DIP2C: variants seen among roughly 807,000 people sequenced by gnomAD.
DIP2C encodes the protein DIP2 acetate--CoA ligase C (putative).
Under a neutral mutation model 192.4 loss-of-function variants are expected in DIP2C, and 33 were observed. The ratio of observed to expected loss-of-function variants is 0.17; its 90% CI spans 0.13 to 0.23. The LOEUF is 0.23. DIP2C is among the 10% of genes least tolerant of loss of function. The pLI is 1.00. For synonymous variants in DIP2C, 979 were observed against 864.1 expected, an observed-to-expected ratio of 1.13 and a Z score of -2.33; for missense variants, 1,537 against 2,110.1, an observed-to-expected ratio of 0.73 and a Z score of 5.32.
At chr10:392,916 T>A (rs981926120) in intron 10 of DIP2C, among the ~76,000 whole-genome samples, 13 of 150,924 alleles carry the variant, frequency 8.6e-5, no homozygotes, top group African/African-American at 2.7e-4. Flanking sequence ...GCACACACAC[T>A]CAACAAAGAA....
chr10:647,299 C>T (rs55827314), intron 1 of DIP2C, among the ~76,000 whole-genome samples: 4,271 of 149,876 alleles, frequency 0.028, 53 homozygotes, highest in Admixed American at 0.042. Flanking sequence ...ACTGAGTCCA[C>T]GTCCACATTG....
intron 4 of DIP2C, among the ~76,000 whole-genome samples, chr10:431,110 T>C (rs1441116209): frequency 6.6e-6 from 1 of 152,266 alleles, no homozygotes; most frequent in Non-Finnish European, 1.5e-5. Flanking sequence ...GGATTATCAC[T>C]GATTTATAGT....
Position 363,161 on chromosome 10 carries a change from C to A in DIP2C, c.2592+36G>T. The A allele has an allele frequency of 6.3e-7, 1 of 1,583,064 alleles. No homozygotes were observed. Among genetic ancestry groups the A allele is most frequent in the Non-Finnish European group, 8.7e-7 (1 of 1,155,004 alleles). ...TGAAGTAAGGAGGCCAGAAACAAGA[C>A]ACAGGGGACCAGTGCCCAGGGCGAG... On this transcript the variant is annotated intron_variant, in intron 21 of 36. Coordinates refer to ENST00000280886, the MANE Select transcript of DIP2C (RefSeq NM_014974.3). This position sits in a 1 kb window ranked among gnomAD's most constrained non-coding sequence, Gnocchi z 5.4.
At chr10:316,282 A>G (rs928321659) in intron 31 of DIP2C, among the ~76,000 whole-genome samples, 3 of 152,354 alleles carry the variant, frequency 2.0e-5, no homozygotes, top group African/African-American at 7.2e-5. Flanking sequence ...TAAAGATTAA[A>G]TAACATTTAC....
intron 1 of DIP2C, among the ~76,000 whole-genome samples, chr10:587,260 A>G (rs959058258): frequency 6.6e-6 from 1 of 152,122 alleles, no homozygotes; most frequent in African/African-American, 2.4e-5. Context: ...TGCAGGGTCT[A>G]AGGCTGGACC....
intron 3 of DIP2C, among the ~76,000 whole-genome samples, chr10:455,241 G>A (rs904291164): frequency 7.2e-5 from 11 of 151,990 alleles, no homozygotes; most frequent in Non-Finnish European, 1.2e-4. Context: ...GTGCAAATCA[G>A]GAACAGTGAG....
intron 1 of DIP2C, chr10:650,985 C>A (rs541030235): frequency 1.4e-6 from 1 of 717,482 alleles, no homozygotes; most frequent in East Asian, 2.7e-5. Context: ...TGCCCTCTCT[C>A]CATCTCTCCC....
chr10:305,650 T>C (rs1167962304), intron 32 of DIP2C, among the ~76,000 whole-genome samples: 1 of 152,198 alleles, frequency 6.6e-6, no homozygotes, highest in African/African-American at 2.4e-5. Context: ...CTAAAACTGT[T>C]CCTTTTTCTT....
intron 1 of DIP2C, among the ~76,000 whole-genome samples, chr10:493,335 C>T (rs190242470): frequency 7.2e-5 from 11 of 152,260 alleles, no homozygotes; most frequent in Admixed American, 7.2e-4. Context: ...AAGACTATGC[C>T]GTATTAAACA....
intron 1 of DIP2C, among the ~76,000 whole-genome samples, chr10:683,230 T>G (rs1383116695): frequency 2.0e-5 from 3 of 152,218 alleles, no homozygotes; most frequent in Admixed American, 2.0e-4. Flanking sequence ...CTACTGGATA[T>G]TGAAGAAAGA....
intron 34 of DIP2C, among the ~76,000 whole-genome samples, chr10:285,083 G>A (rs548603135): frequency 3.3e-5 from 5 of 149,750 alleles, no homozygotes; most frequent in African/African-American, 1.2e-4. Context: ...CTAAGTGAGA[G>A]CTGCACAGAA....
At chr10:332,126 T>A (rs1397434999) in intron 29 of DIP2C, among the ~76,000 whole-genome samples, 2 of 152,018 alleles carry the variant, frequency 1.3e-5, no homozygotes, top group Non-Finnish European at 2.9e-5. Flanking sequence ...AACTTAAAAC[T>A]TTTTTTGTGG....
At chr10:556,949 C>T (rs899073598) in intron 1 of DIP2C, among the ~76,000 whole-genome samples, 1 of 152,246 alleles carries the variant, frequency 6.6e-6, no homozygotes, top group Admixed American at 6.5e-5. Flanking sequence ...CAGCTCACAG[C>T]CAGATTCTGC....
intron 32 of DIP2C, among the ~76,000 whole-genome samples, chr10:299,916 CGACAA>C (rs1017022714): frequency 1.8e-4 from 28 of 152,238 alleles, no homozygotes; most frequent in African/African-American, 6.7e-4. Flanking sequence ...AGAAGATGTT[CGACAA>C]GACCATCACT....
intron 29 of DIP2C, among the ~76,000 whole-genome samples, chr10:337,959 T>TGTGTGTGTGC (rs1372781209): frequency 6.7e-6 from 1 of 148,752 alleles, no homozygotes; most frequent in African/African-American, 2.5e-5. Flanking sequence ...GACAGTCGTG[T>TGTGTGTGTGC]GTGTGTGTGC....
chr10:447,287 TCA>T (rs1419600207), intron 3 of DIP2C, among the ~76,000 whole-genome samples: 3 of 145,772 alleles, frequency 2.1e-5, no homozygotes, highest in African/African-American at 7.9e-5. Flanking sequence ...ATATTCAGGA[TCA>T]CACACAGTGG....
At chr10:454,625 G>C (rs36043585) in intron 3 of DIP2C, among the ~76,000 whole-genome samples, 1 of 99,002 alleles carries the variant, frequency 1.0e-5, no homozygotes, top group Non-Finnish European at 1.8e-5. Context: ...AGCACCCTTC[G>C]AACCCCTCAG....
At chr10:649,047 A>T (rs1304272713) in intron 1 of DIP2C, among the ~76,000 whole-genome samples, 1 of 150,020 alleles carries the variant, frequency 6.7e-6, no homozygotes, top group African/African-American at 2.5e-5. Flanking sequence ...AACTGAGTCC[A>T]CGTCCACATT....
chr10:384,189 G>C, intron 15 of DIP2C, 43 bp from the exon 16 acceptor site: 1 of 1,581,260 alleles, frequency 6.3e-7, no homozygotes, highest in Non-Finnish European at 8.6e-7. Flanking sequence ...GCCACCGTCA[G>C]ATCGTCCCCT....
Sources: gnomAD v4.1 joint callset for allele counts (sites outside exome capture counted in the v4.1 genomes callset) on GRCh38, gnomAD v4.1.1 for gene constraint, Gnocchi (gnomAD v3.1) non-coding constraint, MANE v1.5 for transcripts, NCBI Gene and HGNC (gene_info 2026-07-23, HGNC 2026-07-21) for gene names.